CHSY3: variants seen among roughly 807,000 people sequenced by gnomAD.
CHSY3 encodes chondroitin sulfate synthase 3.
A neutral mutation model predicts 67.2 loss-of-function variants in CHSY3; 35 were observed. The observed-to-expected ratio is 0.52, with a 90% CI of 0.40 to 0.69. The LOEUF is 0.69. Ranked by LOEUF, CHSY3 falls within the 30% of genes least tolerant of loss-of-function variation. The probability of loss-of-function intolerance (pLI) is 0.00; values close to 1 mark genes in which losing one functional copy is unlikely to be tolerated. For missense variants in CHSY3, 1,069 were observed against 1,138.5 expected (o/e 0.94, Z 0.88); for synonymous variants, 474 against 434.7 (o/e 1.09, Z -1.12).
intron 2 of CHSY3, among the ~76,000 whole-genome samples, chr5:130,175,585 A>G (rs139494216): frequency 1.2e-3 from 190 of 152,328 alleles, no homozygotes; most frequent in African/African-American, 4.2e-3. Context: ...TGGAGGCATC[A>G]TGCTACCTGA....
intron 2 of CHSY3, among the ~76,000 whole-genome samples, chr5:130,108,656 T>G (rs1767489019): frequency 6.6e-6 from 1 of 151,650 alleles, no homozygotes; most frequent in Admixed American, 6.6e-5. Context: ...AAGATGAGGT[T>G]GAATTTATTG....
chr5:129,974,455 T>G (rs1256468510), intron 2 of CHSY3, among the ~76,000 whole-genome samples: 1 of 152,146 alleles, frequency 6.6e-6, no homozygotes, highest in Non-Finnish European at 1.5e-5. Context: ...TTAATATAGT[T>G]TCTCTTGCTA....
At chr5:129,993,003 C>A (rs546422199) in intron 2 of CHSY3, among the ~76,000 whole-genome samples, 69 of 152,218 alleles carry the variant, frequency 4.5e-4, no homozygotes, top group African/African-American at 1.6e-3. Flanking sequence ...TTTTTAAACA[C>A]AAACTTTTGT....
intron 2 of CHSY3, among the ~76,000 whole-genome samples, chr5:130,121,809 T>A (rs1768036479): frequency 6.6e-6 from 1 of 152,168 alleles, no homozygotes; most frequent in African/African-American, 2.4e-5. Context: ...TTGCTTATCT[T>A]TTTTTCAGAA....
At chr5:129,969,184 A>G (rs1762561698) in intron 2 of CHSY3, among the ~76,000 whole-genome samples, 1 of 151,836 alleles carries the variant, frequency 6.6e-6, no homozygotes, top group South Asian at 2.1e-4. Flanking sequence ...ATAAAATGAT[A>G]CTTCAAAAAA....
At chr5:130,044,417 G>A (rs564070222) in intron 2 of CHSY3, among the ~76,000 whole-genome samples, 31 of 152,194 alleles carry the variant, frequency 2.0e-4, no homozygotes, top group African/African-American at 6.5e-4. Context: ...AAGTGTGGCA[G>A]ATACACATCA....
At chr5:130,152,667 T>C (rs1489427825) in intron 2 of CHSY3, among the ~76,000 whole-genome samples, 1 of 152,194 alleles carries the variant, frequency 6.6e-6, no homozygotes, top group African/African-American at 2.4e-5. Flanking sequence ...AGACACAAGT[T>C]TCCTTTGAAA....
intron 2 of CHSY3, among the ~76,000 whole-genome samples, chr5:130,020,445 ATATATATATATATATATTTTTT>A (rs1278319279): frequency 0.03 from 407 of 13,612 alleles, 16 homozygotes; most frequent in African/African-American, 0.054. Context: ...ATATATATAT[ATATATATATATATATATTTTTT>A]TTTTTTTTTT....
chr5:130,070,896 T>C (rs564524153), intron 2 of CHSY3, among the ~76,000 whole-genome samples: 3 of 152,214 alleles, frequency 2.0e-5, no homozygotes, highest in African/African-American at 4.8e-5. Flanking sequence ...TTATTGATGC[T>C]TCAGAAAGAT....
At chr5:129,926,664 G>A (rs781584356) in intron 2 of CHSY3, among the ~76,000 whole-genome samples, 16 of 151,386 alleles carry the variant, frequency 1.1e-4, no homozygotes, top group African/African-American at 2.2e-4. Context: ...TCAAATTTTA[G>A]CAAGAATGTC....
intron 2 of CHSY3, among the ~76,000 whole-genome samples, chr5:130,002,972 A>T (rs1177561765): frequency 6.6e-6 from 1 of 152,094 alleles, no homozygotes; most frequent in African/African-American, 2.4e-5. Flanking sequence ...TTTTAAAAAC[A>T]TTTCCTGTGT....
At chr5:129,929,326 T>TAA (rs1761222422) in intron 2 of CHSY3, among the ~76,000 whole-genome samples, 1 of 152,232 alleles carries the variant, frequency 6.6e-6, no homozygotes, top group Non-Finnish European at 1.5e-5. Context: ...TATGTAAGAA[T>TAA]AAAGTTTTCA....
chr5:130,155,411 T>C (rs529053431), intron 2 of CHSY3, among the ~76,000 whole-genome samples: 1 of 152,304 alleles, frequency 6.6e-6, no homozygotes, highest in South Asian at 2.1e-4. Flanking sequence ...TTTAAATCTG[T>C]TCAAGGCCCT....
intron 2 of CHSY3, among the ~76,000 whole-genome samples, chr5:129,995,820 T>C (rs1159592353): frequency 1.3e-5 from 2 of 151,998 alleles, no homozygotes; most frequent in East Asian, 1.9e-4. Context: ...TCCTTACTTA[T>C]CTTCTTCCCT....
intron 2 of CHSY3, among the ~76,000 whole-genome samples, chr5:129,958,150 T>G (rs1028850206): frequency 2.6e-5 from 4 of 152,190 alleles, no homozygotes; most frequent in Admixed American, 1.3e-4. Flanking sequence ...ATACTCTTCT[T>G]GAATATTAGA....
At chr5:130,087,251 A>C (rs1342853121) in intron 2 of CHSY3, among the ~76,000 whole-genome samples, 1 of 152,148 alleles carries the variant, frequency 6.6e-6, no homozygotes, top group Non-Finnish European at 1.5e-5. Context: ...ACAAACCCAC[A>C]GCCAATATCA....
rs1374746099 is a variant in CHSY3, at chr5:130,015,395, T to TA, written c.1086+107043dup. Among the ~76,000 whole-genome samples the TA allele has an allele frequency of 5.3e-5, 8 of 151,390 alleles. No individual in the cohort carries two copies. The South Asian group carries it at 6.3e-4, about 12-fold the overall frequency. On this transcript the variant is annotated intron_variant, in intron 2 of 2. Transcript: ENST00000305031. ...CAGGAACTTAAACAAATTAACAAGC[T>TA]AAAAAAAACCTCATAAAAAATGGGC... is the stretch of plus-strand genomic sequence containing the variant.
chr5:130,133,900 C>T (rs1768574765), intron 2 of CHSY3, among the ~76,000 whole-genome samples: 1 of 150,206 alleles, frequency 6.7e-6, no homozygotes, highest in African/African-American at 2.4e-5. Flanking sequence ...ACCCACTTTC[C>T]TCATGTTGCT....
intron 2 of CHSY3, among the ~76,000 whole-genome samples, chr5:130,164,553 G>A (rs1441189368): frequency 1.3e-5 from 2 of 152,044 alleles, no homozygotes; most frequent in East Asian, 1.9e-4. Context: ...TCTAAAGTAG[G>A]AACATAAAGA....
Sources: gnomAD v4.1 joint callset for allele counts (sites outside exome capture counted in the v4.1 genomes callset) on GRCh38, gnomAD v4.1.1 for gene constraint, MANE v1.5 for transcripts, NCBI Gene and HGNC (gene_info 2026-07-23, HGNC 2026-07-21) for gene names.